DAB1: variants seen among roughly 807,000 people sequenced by gnomAD.
DAB1 encodes the protein disabled homolog 1.
In DAB1, 15 loss-of-function variants were observed where a neutral mutation model predicts 64.6. That is an observed-to-expected ratio of 0.23 (90% CI 0.16 to 0.36). The LOEUF is 0.36. Ranked by LOEUF, DAB1 falls within the 10% of genes least tolerant of loss-of-function variation. The pLI is 1.00. For synonymous variants in DAB1, 235 were observed against 251.9 expected, an observed-to-expected ratio of 0.93 and a Z score of 0.64; for missense variants, 596 against 706.7, an observed-to-expected ratio of 0.84 and a Z score of 1.78.
chr1:58,371,689 G>T (rs1367881604), intron 3 of DAB1, among the ~76,000 whole-genome samples: 1 of 152,118 alleles, frequency 6.6e-6, no homozygotes, highest in Non-Finnish European at 1.5e-5. Flanking sequence ...TTGTGGGCTG[G>T]GCCCAGGACC....
intron 5 of DAB1, among the ~76,000 whole-genome samples, chr1:58,107,835 T>C (rs1011998919): frequency 2.0e-5 from 3 of 152,170 alleles, no homozygotes; most frequent in African/African-American, 7.2e-5. Context: ...CAGGCTGATC[T>C]TGAACTCCTG....
At chr1:57,569,275 G>C (rs1337056277) in intron 7 of DAB1, among the ~76,000 whole-genome samples, 1 of 36,928 alleles carries the variant, frequency 2.7e-5, no homozygotes, top group African/African-American at 7.6e-5. Flanking sequence ...AAAAAAAAAA[G>C]ACACATGCAC....
At chr1:57,846,709 C>G (rs1040931712) in intron 1 of DAB1, among the ~76,000 whole-genome samples, 1 of 152,046 alleles carries the variant, frequency 6.6e-6, no homozygotes, top group Non-Finnish European at 1.5e-5. Context: ...CTACAAGTAA[C>G]AAAACTGGAA....
At chr1:57,669,111 G>T (rs1646480940) in intron 6 of DAB1, among the ~76,000 whole-genome samples, 1 of 152,070 alleles carries the variant, frequency 6.6e-6, no homozygotes, top group Non-Finnish European at 1.5e-5. Flanking sequence ...TACCTGAAAG[G>T]TGCACAGAAT....
chr1:58,463,044 CT>C (rs1190932543), intron 3 of DAB1, among the ~76,000 whole-genome samples: 1 of 152,226 alleles, frequency 6.6e-6, no homozygotes, highest in East Asian at 1.9e-4. Context: ...CAATGTCATA[CT>C]CTGAAGATGA....
At chr1:58,188,470 A>G (rs1657211432) in intron 4 of DAB1, among the ~76,000 whole-genome samples, 2 of 152,206 alleles carry the variant, frequency 1.3e-5, no homozygotes, top group South Asian at 4.1e-4. Flanking sequence ...GTTTCCCAAC[A>G]CTGTAAACAT....
chr1:57,364,798 G>C (rs1326134804), intron 1 of DAB1, among the ~76,000 whole-genome samples: 1 of 150,340 alleles, frequency 6.7e-6, no homozygotes, highest in Non-Finnish European at 1.5e-5. Context: ...CTTATATAAA[G>C]TTCAAAATCA....
At chr1:58,173,023 C>T (rs1309943552) in intron 4 of DAB1, among the ~76,000 whole-genome samples, 3 of 152,206 alleles carry the variant, frequency 2.0e-5, no homozygotes, top group African/African-American at 4.8e-5. Flanking sequence ...GCCAAGCCAT[C>T]AGAAAGGTGA....
At chr1:57,720,594 A>G (rs1647138309) in intron 6 of DAB1, among the ~76,000 whole-genome samples, 1 of 152,302 alleles carries the variant, frequency 6.6e-6, no homozygotes, top group South Asian at 2.1e-4. Context: ...ATCCAGGCCT[A>G]TTTCTTCATC....
chr1:57,203,110 G>A (rs1003892611), intron 2 of DAB1, among the ~76,000 whole-genome samples: 1 of 152,152 alleles, frequency 6.6e-6, no homozygotes, highest in Non-Finnish European at 1.5e-5. Context: ...ACAGCAAACA[G>A]TGGGAACAGA....
chr1:57,114,924 T>C (rs954606570), intron 4 of DAB1, among the ~76,000 whole-genome samples: 6 of 152,294 alleles, frequency 3.9e-5, no homozygotes, highest in Middle Eastern at 3.4e-3. Flanking sequence ...GCTGTCCTTT[T>C]TTTTTCTTTC....
At chr1:57,089,317 T>G (rs943698249) in intron 4 of DAB1, among the ~76,000 whole-genome samples, 2 of 152,178 alleles carry the variant, frequency 1.3e-5, no homozygotes, top group African/African-American at 2.4e-5. Context: ...GTTTGTGGAA[T>G]GTATTAGGCC....
intron 1 of DAB1, among the ~76,000 whole-genome samples, chr1:57,379,257 C>T (rs181506801): frequency 1.3e-5 from 2 of 151,882 alleles, no homozygotes; most frequent in Non-Finnish European, 2.9e-5. Context: ...CAAAAACAAA[C>T]AAACAAATAC....
At chr1:57,951,702 G>A (rs184776379) in intron 5 of DAB1, among the ~76,000 whole-genome samples, 4 of 152,204 alleles carry the variant, frequency 2.6e-5, no homozygotes, top group African/African-American at 9.6e-5. Flanking sequence ...TACAGCACCT[G>A]GTGCTTAGTA....
Position 58,100,575 on chromosome 1 carries a change from A to T in DAB1, n.387+49936T>A, listed in dbSNP as rs552762729. The stretch of plus-strand genomic sequence containing the variant: ...CCTTGCTTTCAGTTCTTTTGAGTAT[A>T]CACCCAGAAGTCAAATTGCTGGATT... On this transcript the variant is annotated intron_variant and non_coding_transcript_variant, in intron 5 of 20. Transcript: ENST00000485760. Among the ~76,000 whole-genome samples the T allele has an allele frequency of 7.2e-5, 11 of 152,312 alleles. No homozygotes were observed. The East Asian group carries it at 2.1e-3, about 29-fold the overall frequency.
intron 6 of DAB1, among the ~76,000 whole-genome samples, chr1:57,757,220 T>TTTTTTTTTTTTGTTTTTG (rs200688727): frequency 8.3e-6 from 1 of 120,152 alleles, no homozygotes; most frequent in Admixed American, 9.7e-5. Flanking sequence ...TTTTTTTTTT[T>TTTTTTTTTTTTGTTTTTG]AGCAGCAATG....
At chr1:58,361,551 A>G (rs1644167168) in intron 3 of DAB1, among the ~76,000 whole-genome samples, 1 of 144,520 alleles carries the variant, frequency 6.9e-6, no homozygotes, top group East Asian at 1.9e-4. Flanking sequence ...AATTCTGCAA[A>G]CCACAGTTTT....
At position 57,139,933 on chromosome 1, in the gene DAB1, T is replaced by C. The variant is rs189688806; in HGVS notation, c.208-3292A>G. 2.9e-4 allele frequency among the ~76,000 whole-genome samples: 44 copies of C among 152,274 alleles called. 2 individuals are homozygous for C. Among genetic ancestry groups the C allele is most frequent in the African/African-American group, 1.1e-3 (44 of 41,564 alleles). Reference sequence around the variant, plus strand: ...GAGAAGGACAATCCATAAGGTGCTATCTTTGGGGAAAGAAAAGTCCCATCT... The same window carrying C: ...GAGAAGGACAATCCATAAGGTGCTACCTTTGGGGAAAGAAAAGTCCCATCT... On this transcript the variant is annotated intron_variant, in intron 3 of 14. Coordinates refer to ENST00000371236, the MANE Select transcript of DAB1 (RefSeq NM_001365792.1).
At chr1:57,001,147 G>A (rs945811985) in intron 14 of DAB1, among the ~76,000 whole-genome samples, 2 of 152,184 alleles carry the variant, frequency 1.3e-5, no homozygotes, top group African/African-American at 4.8e-5. Flanking sequence ...TAGACTGTCA[G>A]ACTTAGAGGG....
Sources: allele counts gnomAD v4.1 joint callset (sites outside exome capture counted in the v4.1 genomes callset), GRCh38; gene constraint gnomAD v4.1.1; transcripts MANE v1.5; gene names NCBI Gene and HGNC (gene_info 2026-07-23, HGNC 2026-07-21).